VPS37A: variants seen among roughly 807,000 people sequenced by gnomAD.
VPS37A encodes the protein vacuolar protein sorting-associated protein 37A.
Under a neutral mutation model 49.8 loss-of-function variants are expected in VPS37A, and 30 were observed. That is an observed-to-expected ratio of 0.60 (90% CI 0.45 to 0.82). The LOEUF (loss-of-function observed/expected upper bound fraction) is 0.82, where lower values mean the gene tolerates loss of function less well. Among genes scored for constraint, VPS37A ranks in the 40% least tolerant of loss-of-function variants. The pLI, the probability that VPS37A is intolerant of heterozygous loss-of-function variation, is 0.00. For synonymous variants in VPS37A, 195 were observed against 160.6 expected (o/e 1.21, Z -1.62); for missense variants, 593 against 464.4 (o/e 1.28, Z -2.55).
chr8:17,306,390 GA>G (rs772416803), downstream of VPS37A, among the ~76,000 whole-genome samples: 4,559 of 146,230 alleles, frequency 0.031, 108 homozygotes, highest in Middle Eastern at 0.049. Context: ...AAGACAACTT[GA>G]AAAAAAAAAA....
intron 6 of VPS37A, among the ~76,000 whole-genome samples, chr8:17,276,764 ATT>A (rs1278764500): frequency 1.3e-5 from 2 of 152,130 alleles, no homozygotes; most frequent in African/African-American, 4.8e-5. Context: ...TTTTGAATAC[ATT>A]ATTCCTGACA....
chr8:17,300,932 G>C (rs183710193), downstream of VPS37A, among the ~76,000 whole-genome samples: 9 of 152,144 alleles, frequency 5.9e-5, no homozygotes, highest in African/African-American at 2.2e-4. Context: ...TTCATTCATG[G>C]TACAGCATGT....
At chr8:17,268,821 A>G (rs779579388) in intron 3 of VPS37A, 35 bp from the exon 4 acceptor site, 7 of 1,354,360 alleles carry the variant, frequency 5.2e-6, no homozygotes, top group Non-Finnish European at 7.3e-6. Context: ...CTTTTTCTGG[A>G]AGTGATTTTA....
chr8:17,256,119 T>A (rs10097407), intron 1 of VPS37A, among the ~76,000 whole-genome samples: 14,879 of 151,866 alleles, frequency 0.098, 820 homozygotes, highest in South Asian at 0.2. Flanking sequence ...GCAGAGATAT[T>A]GTTAGTCTTT....
chr8:17,327,334 G>A, the VPS37A span, among the ~76,000 whole-genome samples: 3 of 152,122 alleles, frequency 2.0e-5, no homozygotes, highest in African/African-American at 7.2e-5. Flanking sequence ...CCAGTGGCAC[G>A]ATCATGGCTT....
chr8:17,265,406 T>C (rs998451338), intron 1 of VPS37A, among the ~76,000 whole-genome samples: 1 of 152,146 alleles, frequency 6.6e-6, no homozygotes, highest in Non-Finnish European at 1.5e-5. Context: ...GCTTCTCTAC[T>C]TAGAAAAAAG....
intron 9 of VPS37A, among the ~76,000 whole-genome samples, chr8:17,282,244 T>C (rs1405585106): frequency 6.6e-6 from 1 of 152,142 alleles, no homozygotes; most frequent in Non-Finnish European, 1.5e-5. Context: ...CTTGTGTATG[T>C]GAATAATCAG....
downstream of VPS37A, chr8:17,299,108 G>A (rs1816929849): frequency 6.6e-6 from 1 of 152,142 alleles, no homozygotes; most frequent in African/African-American, 2.4e-5. Flanking sequence ...TTACAAGAAA[G>A]CTGATACTTA....
the VPS37A span, among the ~76,000 whole-genome samples, chr8:17,316,963 C>T: frequency 6.6e-6 from 1 of 152,164 alleles, no homozygotes. Flanking sequence ...ATGCTCTCAC[C>T]AGTAGGTTGG....
downstream of VPS37A, chr8:17,302,384 C>T: frequency 7.7e-7 from 1 of 1,299,134 alleles, no homozygotes. Context: ...TTAATAATAA[C>T]CAAATGCAAA....
At chr8:17,276,549 A>T (rs1814531570) in intron 6 of VPS37A, 82 bp downstream of exon 6, 1 of 1,372,672 alleles carries the variant, frequency 7.3e-7, no homozygotes, top group East Asian at 2.5e-5. Flanking sequence ...ATCCATATAA[A>T]TTAAAGTTTA....
intron 11 of VPS37A, chr8:17,286,650 T>C (rs1815622943): frequency 2.3e-6 from 1 of 442,242 alleles, no homozygotes; most frequent in South Asian, 3.8e-5. Context: ...ATGAATGAGA[T>C]TTTTTTAACA....
At chr8:17,284,740 A>G (rs1322898384) in intron 10 of VPS37A, 124 bp downstream of exon 10, 10 of 1,194,666 alleles carry the variant, frequency 8.4e-6, no homozygotes, top group East Asian at 3.0e-5. Flanking sequence ...TTTGTACAAT[A>G]TATTTACCTG....
chr8:17,314,514 G>A, the VPS37A span, among the ~76,000 whole-genome samples: 1 of 152,030 alleles, frequency 6.6e-6, no homozygotes, highest in Non-Finnish European at 1.5e-5. Flanking sequence ...GTGCATATGG[G>A]TCACATAGCA....
intron 1 of VPS37A, 37 bp from the exon 2 acceptor site, chr8:17,265,870 T>A (rs1813401075): frequency 5.0e-6 from 8 of 1,612,480 alleles, no homozygotes; most frequent in Non-Finnish European, 6.8e-6. Flanking sequence ...AATGGTTTCA[T>A]GACTTTGGGT....
At chr8:17,265,871 G>A (rs762534277) in intron 1 of VPS37A, 36 bp from the exon 2 acceptor site, 4 of 1,612,452 alleles carry the variant, frequency 2.5e-6, no homozygotes, top group South Asian at 1.1e-5. Context: ...ATGGTTTCAT[G>A]ACTTTGGGTA....
chr8:17,250,577 T>C (rs762623508), intron 1 of VPS37A, among the ~76,000 whole-genome samples: 2 of 152,186 alleles, frequency 1.3e-5, no homozygotes, highest in Non-Finnish European at 2.9e-5. Context: ...CATGAAAGTA[T>C]CTTTTCTTCT....
In VPS37A at chr8:17,294,760, C is replaced by G. The variant is rs1586097353; in HGVS notation, c.*1-227C>G. Among the ~76,000 whole-genome samples the G allele has an allele frequency of 3.3e-5, 5 of 152,264 alleles. No individual in the cohort carries two copies. The South Asian group carries it at 1.0e-3, about 32-fold the overall frequency. ...TCTGCTCACCCTCCGTGGGCTACAC[C>G]CACTGTCTAACCAGTCCCAGTGAGA... is the stretch of plus-strand genomic sequence containing the variant. On this transcript the variant is annotated intron_variant, in intron 11 of 11. Transcript: ENST00000324849.
chr8:17,314,540 T>C, the VPS37A span, among the ~76,000 whole-genome samples: 3 of 152,268 alleles, frequency 2.0e-5, no homozygotes, highest in East Asian at 5.8e-4. Context: ...AACAAAAATA[T>C]TAATTTATCA....
Sources: allele counts gnomAD v4.1 joint callset (sites outside exome capture counted in the v4.1 genomes callset), GRCh38; gene constraint gnomAD v4.1.1; transcripts MANE v1.5; gene names NCBI Gene and HGNC (gene_info 2026-07-23, HGNC 2026-07-21).